The following GLIS3 variants were observed in gnomAD, a reference collection of about 807,000 sequenced individuals.
The protein encoded by GLIS3 is zinc finger protein GLIS3.
GLIS3 carries 53 observed loss-of-function variants against 78.6 expected under a neutral mutation model. The ratio of observed to expected loss-of-function variants is 0.67; its 90% confidence interval spans 0.54 to 0.85. The LOEUF is 0.85. Ranked by LOEUF, GLIS3 falls within the 40% of genes least tolerant of loss-of-function variation. The pLI, the probability that GLIS3 is intolerant of heterozygous loss-of-function variation, is 0.00. For missense variants in GLIS3, 1,703 were observed against 1,231.1 expected (o/e 1.38, Z -5.74); for synonymous variants, 684 against 509.9 (o/e 1.34, Z -4.60).
intron 4 of GLIS3, among the ~76,000 whole-genome samples, chr9:4,116,714 A>G (rs566478549): frequency 1.3e-5 from 2 of 152,340 alleles, no homozygotes; most frequent in East Asian, 3.9e-4. Context: ...GAACCACAGT[A>G]CAAATAAATT....
Position 3,909,236 on chromosome 9 carries a change from A to C in GLIS3, c.1984-10401T>G, listed in dbSNP as rs1325264331. The stretch of plus-strand genomic sequence containing the variant: ...CTTGTGGAATTAACTCATTGCCAAA[A>C]GGCTTAAAAATAATTACAATGAATT... On this transcript the variant is annotated intron_variant, in intron 6 of 10. Coordinates refer to ENST00000381971, the MANE Select transcript of GLIS3 (RefSeq NM_001042413.2). Among the ~76,000 whole-genome samples the C allele has an allele frequency of 4.6e-5, 7 of 152,362 alleles. No individual in the cohort carries two copies. In the South Asian group the frequency reaches 1.2e-3, roughly 27 times the overall value.
chr9:4,486,960 A>C, the GLIS3 span, among the ~76,000 whole-genome samples: 1 of 152,096 alleles, frequency 6.6e-6, no homozygotes, highest in Non-Finnish European at 1.5e-5. Flanking sequence ...AGCCTCCCAA[A>C]GTGCTGGGAA....
chr9:4,295,260 ACGC>A (rs1351618295), intron 1 of GLIS3, among the ~76,000 whole-genome samples: 2 of 152,102 alleles, frequency 1.3e-5, no homozygotes, highest in African/African-American at 4.8e-5. Context: ...AGTGGAAGGA[ACGC>A]CTCTGAATTT....
At chr9:4,296,197 A>G (rs1004721593) in intron 1 of GLIS3, among the ~76,000 whole-genome samples, 2 of 151,928 alleles carry the variant, frequency 1.3e-5, no homozygotes, top group Admixed American at 6.6e-5. Context: ...TAACACTCCA[A>G]CTCCAAAGAT....
chr9:3,868,527 G>T (rs796223741), intron 8 of GLIS3, among the ~76,000 whole-genome samples: 4 of 152,298 alleles, frequency 2.6e-5, no homozygotes, highest in African/African-American at 9.6e-5. Context: ...AATCCAGGAG[G>T]TACAAAACAG....
upstream of GLIS3, among the ~76,000 whole-genome samples, chr9:4,349,020 G>A (rs374226087): frequency 5.3e-5 from 8 of 152,022 alleles, no homozygotes; most frequent in African/African-American, 1.9e-4. Context: ...AGCTGAAGGA[G>A]GAAAACATTC....
chr9:4,211,033 A>C (rs1411302672), intron 2 of GLIS3, among the ~76,000 whole-genome samples: 3 of 152,204 alleles, frequency 2.0e-5, no homozygotes, highest in Non-Finnish European at 4.4e-5. Context: ...CTGTCTTGCA[A>C]GGTTAGGCTG....
chr9:4,416,430 T>C, the GLIS3 span, among the ~76,000 whole-genome samples: 3 of 152,104 alleles, frequency 2.0e-5, no homozygotes, highest in African/African-American at 7.2e-5. Flanking sequence ...TAGTACACTG[T>C]AATATAAAAC....
At chr9:4,215,150 C>T (rs187933843) in intron 2 of GLIS3, among the ~76,000 whole-genome samples, 1 of 152,298 alleles carries the variant, frequency 6.6e-6, no homozygotes, top group Non-Finnish European at 1.5e-5. Flanking sequence ...ACTCTAAGAC[C>T]ACTTCCAACC....
chr9:4,226,303 A>C (rs4741924), intron 2 of GLIS3, among the ~76,000 whole-genome samples: 1 of 152,150 alleles, frequency 6.6e-6, no homozygotes, highest in Non-Finnish European at 1.5e-5. Context: ...TCCCAACTAA[A>C]CTATAAAACT....
intron 3 of GLIS3, among the ~76,000 whole-genome samples, chr9:4,309,531 G>A (rs2130520701): frequency 6.6e-6 from 1 of 152,222 alleles, no homozygotes; most frequent in Non-Finnish European, 1.5e-5. Flanking sequence ...GAAAAAAGGA[G>A]AGGGGTGGAG....
intron 6 of GLIS3, among the ~76,000 whole-genome samples, chr9:3,915,498 C>T (rs1291787598): frequency 3.9e-5 from 6 of 152,076 alleles, no homozygotes; most frequent in Non-Finnish European, 8.8e-5. Context: ...GTATTATCAG[C>T]CTTGCATGTT....
At chr9:3,992,803 A>T (rs568522656) in intron 4 of GLIS3, among the ~76,000 whole-genome samples, 127 of 152,350 alleles carry the variant, frequency 8.3e-4, no homozygotes, top group African/African-American at 3.0e-3. Context: ...AGACAGTGTG[A>T]CATCTAATAA....
At chr9:4,194,763 G>A (rs1428742263) in intron 2 of GLIS3, among the ~76,000 whole-genome samples, 4 of 152,168 alleles carry the variant, frequency 2.6e-5, no homozygotes, top group Non-Finnish European at 2.9e-5. Flanking sequence ...TTCCACTGAA[G>A]CTCCGGGCAA....
At chr9:4,276,405 AGGGG>A (rs1826999640) in intron 2 of GLIS3, among the ~76,000 whole-genome samples, 1 of 8,612 alleles carries the variant, frequency 1.2e-4, no homozygotes, top group African/African-American at 4.4e-4. Context: ...AGGGAAGGGG[AGGGG>A]AGGGAAGGGG....
chr9:4,357,798 T>C, the GLIS3 span, among the ~76,000 whole-genome samples: 1 of 152,132 alleles, frequency 6.6e-6, no homozygotes, highest in African/African-American at 2.4e-5. Flanking sequence ...AATACAGGGA[T>C]CAGGGCCACC....
chr9:4,323,239 A>T (rs1370987230), intron 2 of GLIS3, among the ~76,000 whole-genome samples: 1 of 152,118 alleles, frequency 6.6e-6, no homozygotes, highest in Non-Finnish European at 1.5e-5. Context: ...TGTGATATCA[A>T]ACTATACTAC....
chr9:3,972,983 C>G (rs1818498881), intron 4 of GLIS3, among the ~76,000 whole-genome samples: 1 of 152,092 alleles, frequency 6.6e-6, no homozygotes, highest in Non-Finnish European at 1.5e-5. Flanking sequence ...CTGACACCAC[C>G]TGTAAGTCTA....
At chr9:4,012,019 T>G (rs1318835977) in intron 4 of GLIS3, among the ~76,000 whole-genome samples, 1 of 152,134 alleles carries the variant, frequency 6.6e-6, no homozygotes, top group Non-Finnish European at 1.5e-5. Context: ...TTCTTCCGTT[T>G]GCAGAAAGCC....
Sources: gnomAD v4.1 joint callset for allele counts (sites outside exome capture counted in the v4.1 genomes callset) on GRCh38, gnomAD v4.1.1 for gene constraint, MANE v1.5 for transcripts, NCBI Gene and HGNC (gene_info 2026-07-23, HGNC 2026-07-21) for gene names.